BICRAL: variants seen among roughly 807,000 people sequenced by gnomAD.
BICRAL encodes BICRA like chromatin remodeling complex associated protein, also known as BRD4-interacting chromatin-remodeling complex-associated protein-like.
A neutral mutation model predicts 91.8 loss-of-function variants in BICRAL; 8 were observed. That is an observed-to-expected ratio of 0.09 (90% CI 0.05 to 0.16). BICRAL has a LOEUF of 0.16. Ranked by LOEUF, BICRAL falls within the 10% of genes least tolerant of loss-of-function variation. The pLI, the probability that BICRAL is intolerant of heterozygous loss-of-function variation, is 1.00. For missense variants in BICRAL, 1,038 were observed against 1,310.9 expected, an observed-to-expected ratio of 0.79 and a Z score of 3.21; for synonymous variants, 445 against 491.1, an observed-to-expected ratio of 0.91 and a Z score of 1.24.
At chr6:42,805,610 G>A (rs746769893) in intron 1 of BICRAL, among the ~76,000 whole-genome samples, 1 of 152,068 alleles carries the variant, frequency 6.6e-6, no homozygotes, top group Non-Finnish European at 1.5e-5. Flanking sequence ...ATGTGCCAGG[G>A]GCTATTCTGG....
At chr6:42,813,664 G>A (rs1763899735) in intron 2 of BICRAL, among the ~76,000 whole-genome samples, 1 of 152,010 alleles carries the variant, frequency 6.6e-6, no homozygotes, top group Admixed American at 6.6e-5. Flanking sequence ...GGGATTACAG[G>A]TGCGCACCAC....
At chr6:42,855,660 T>A (rs1765328614) in intron 8 of BICRAL, among the ~76,000 whole-genome samples, 196 bp from the exon 9 acceptor site, 1 of 152,058 alleles carries the variant, frequency 6.6e-6, no homozygotes, top group Non-Finnish European at 1.5e-5. Flanking sequence ...TTCTGTAATC[T>A]TAACACAGTA....
At chr6:42,785,471 G>C (rs1450486310) in intron 1 of BICRAL, among the ~76,000 whole-genome samples, 1 of 150,796 alleles carries the variant, frequency 6.6e-6, no homozygotes, top group African/African-American at 2.4e-5. Context: ...TGAGGCGAGA[G>C]AATCACTTGA....
chr6:42,862,560 G>T lies in BICRAL; in HGVS notation c.2400G>T (p.Gln800His). ...EMVMIDRMFNQEERASLSRDK... is the reference protein window; with the variant it reads ...EMVMIDRMFNHEERASLSRDK... ...TGATGATCGATAGGATGTTCAACCA[G>T]GAGGAAAGAGCTTCCCTGTCCCGAG... is the stretch of plus-strand genomic sequence containing the variant. The change falls in exon 12 of 13, where the codon CAG becomes CAT. Residue 800 changes from glutamine to histidine, a missense_variant. Gln to His is a conservative substitution (Grantham distance 24). This residue lies in a region of BICRAL where 294 missense variants were observed against 292.6 expected (regional missense o/e 1.00). Coordinates refer to ENST00000314073, the MANE Select transcript of BICRAL (RefSeq NM_001393499.1). 1 of 1,612,840 alleles carries T rather than the reference G, an allele frequency of 6.2e-7. No individual in the cohort carries two copies. Among genetic ancestry groups the T allele is most frequent in the South Asian group, 1.1e-5 (1 of 91,014 alleles).
intron 1 of BICRAL, among the ~76,000 whole-genome samples, chr6:42,788,924 T>TA (rs2113873478): frequency 6.6e-6 from 1 of 152,184 alleles, no homozygotes; most frequent in African/African-American, 2.4e-5. Context: ...ATTCAGCTGT[T>TA]ATGAGGGCAG....
chr6:42,793,791 C>G (rs999576833), intron 1 of BICRAL, among the ~76,000 whole-genome samples: 1 of 105,664 alleles, frequency 9.5e-6, no homozygotes, highest in Non-Finnish European at 1.8e-5. Flanking sequence ...TTTTTTGAGA[C>G]AGGGTCTTGC....
chr6:42,841,176 C>T, intron 6 of BICRAL, among the ~76,000 whole-genome samples: 1 of 138,628 alleles, frequency 7.2e-6, no homozygotes, highest in Non-Finnish European at 1.5e-5. Flanking sequence ...AATGATCACT[C>T]TTGAATATTT....
chr6:42,866,279 G>A lies in BICRAL; in HGVS notation c.*833G>A, dbSNP rs537787586. ...GTTAAGAGGCACAGTGTACAGAGGA[G>A]GCCGGGATAGAGCCATGAGGGTTAT... is the stretch of plus-strand genomic sequence containing the variant. On this transcript the variant is annotated 3_prime_UTR_variant, in exon 13 of 13. Coordinates refer to ENST00000314073, the MANE Select transcript of BICRAL (RefSeq NM_001393499.1). The A allele has an allele frequency of 1.4e-4, 21 of 154,508 alleles. No homozygotes were observed. Among genetic ancestry groups the A allele is most frequent in the African/African-American group, 2.9e-4 (12 of 41,536 alleles). The allele number at this position is 154,508 out of a possible 1,614,324, so 9.6% of individuals were successfully genotyped here. A position where few individuals can be genotyped will look rare whatever the true frequency, so the allele number is the denominator to read the frequency against.
chr6:42,813,684 C>A (rs188377161), intron 2 of BICRAL, among the ~76,000 whole-genome samples: 3 of 152,036 alleles, frequency 2.0e-5, no homozygotes, highest in Non-Finnish European at 4.4e-5. Context: ...CCATGCCCAG[C>A]TAATTTTTTT....
intron 1 of BICRAL, among the ~76,000 whole-genome samples, chr6:42,801,381 G>T (rs571684730): frequency 6.6e-6 from 1 of 152,114 alleles, no homozygotes; most frequent in African/African-American, 2.4e-5. Flanking sequence ...AAGAAATGGT[G>T]TCCTACTATT....
At chr6:42,793,011 G>A (rs1373978811) in intron 1 of BICRAL, among the ~76,000 whole-genome samples, 1 of 150,422 alleles carries the variant, frequency 6.6e-6, no homozygotes, top group East Asian at 2.0e-4. Flanking sequence ...CTGGAGTGCA[G>A]TGGCACAATC....
intron 6 of BICRAL, among the ~76,000 whole-genome samples, chr6:42,845,673 T>A (rs1764985078): frequency 6.6e-6 from 1 of 152,072 alleles, no homozygotes; most frequent in Non-Finnish European, 1.5e-5. Context: ...AGGCTATCTT[T>A]ACATTATTCC....
At chr6:42,757,491 A>C (rs978067442) in intron 1 of BICRAL, among the ~76,000 whole-genome samples, 3 of 152,138 alleles carry the variant, frequency 2.0e-5, no homozygotes, top group South Asian at 4.1e-4. Context: ...TGACTTCGTG[A>C]TCCACCTGCC....
chr6:42,826,238 T>TC (rs1764298665), intron 5 of BICRAL, among the ~76,000 whole-genome samples: 1 of 135,760 alleles, frequency 7.4e-6, no homozygotes, highest in East Asian at 2.0e-4. Flanking sequence ...GTTCTTTTTT[T>TC]TTTTTTTTTT....
chr6:42,777,644 A>G (rs1414907059), upstream of BICRAL, among the ~76,000 whole-genome samples: 1 of 152,232 alleles, frequency 6.6e-6, no homozygotes, highest in Admixed American at 6.5e-5. Flanking sequence ...ACTTCTGAGA[A>G]TGTTTAACCA....
At chr6:42,844,620 A>G (rs921061172) in intron 6 of BICRAL, among the ~76,000 whole-genome samples, 1 of 147,526 alleles carries the variant, frequency 6.8e-6, no homozygotes, top group Non-Finnish European at 1.5e-5. Context: ...GTTCTGATAG[A>G]TTTAACAACT....
chr6:42,797,618 A>G (rs945675594), intron 1 of BICRAL, among the ~76,000 whole-genome samples: 6 of 152,192 alleles, frequency 3.9e-5, no homozygotes, highest in Admixed American at 3.3e-4. Context: ...GATCATGCAT[A>G]TAAAGCATTA....
intron 1 of BICRAL, among the ~76,000 whole-genome samples, chr6:42,757,365 C>T (rs1762477809): frequency 6.6e-6 from 1 of 151,964 alleles, no homozygotes; most frequent in Non-Finnish European, 1.5e-5. Flanking sequence ...CATTCTCCTG[C>T]CTCAGCCTCC....
intron 1 of BICRAL, among the ~76,000 whole-genome samples, chr6:42,759,683 G>A (rs1390047585): frequency 6.6e-6 from 1 of 152,186 alleles, no homozygotes; most frequent in Non-Finnish European, 1.5e-5. Context: ...GGGTTCCTCT[G>A]TGATCCTATG....
Sources: gnomAD v4.1 joint callset for allele counts (sites outside exome capture counted in the v4.1 genomes callset) on GRCh38, gnomAD v4.1.1 for gene constraint, gnomAD v4.1.1 regional missense constraint, MANE v1.5 for transcripts, NCBI Gene and HGNC (gene_info 2026-07-23, HGNC 2026-07-21) for gene names.